EEF1G: variants seen among roughly 807,000 people sequenced by gnomAD.
The protein encoded by EEF1G is eukaryotic translation elongation factor 1 gamma.
Under a neutral mutation model 58.3 loss-of-function variants are expected in EEF1G, and 14 were observed. That is an observed-to-expected ratio of 0.24 (90% CI 0.16 to 0.38). EEF1G has a LOEUF of 0.38. Among genes scored for constraint, EEF1G ranks in the 10% least tolerant of loss-of-function variants. The pLI is 1.00. For synonymous variants in EEF1G, 180 were observed against 206.8 expected (o/e 0.87, Z 1.11); for missense variants, 322 against 550.1 (o/e 0.59, Z 4.15).
At chr11:62,573,706 A>G (rs564307068) in intron 1 of EEF1G, 125 bp downstream of exon 1, 4 of 1,361,440 alleles carry the variant, frequency 2.9e-6, no homozygotes, top group Non-Finnish European at 1.0e-6. Context: ...CCAGCAGTAC[A>G]GTCTGTAGAC....
chr11:62,561,848 G>A (rs1253362596), intron 7 of EEF1G, among the ~76,000 whole-genome samples: 2 of 152,046 alleles, frequency 1.3e-5, no homozygotes, highest in Admixed American at 1.3e-4. Flanking sequence ...CTCTAGCTGG[G>A]AAAGCCGGAC....
rs1223695911 is a variant in EEF1G at position 62,561,671 on chromosome 11, CAAAAAAAAAACAAAA to C, written c.858-1232_858-1218del. Among the ~76,000 whole-genome samples, 12 of 82,312 alleles carry C rather than the reference CAAAAAAAAAACAAAA, an allele frequency of 1.5e-4. No homozygotes were observed. In the South Asian group the frequency reaches 1.9e-3, roughly 13 times the overall value. The allele number at this position is 82,312 out of a possible 152,430, so 54.0% of individuals were successfully genotyped here. On this transcript the variant is annotated intron_variant, in intron 7 of 9. Coordinates refer to ENST00000329251, the MANE Select transcript of EEF1G (RefSeq NM_001404.5). Reference sequence around the variant, plus strand: ...GCAAGACTCCGTCTCAAAAAAAAAACAAAAAAAAAACAAAAAAAAAAAAAACAACCAAAAAACACA... The same window carrying C: ...GCAAGACTCCGTCTCAAAAAAAAAACAAAAAAAAAACAACCAAAAAACACA...
Position 62,566,869 on chromosome 11 carries a change from T to G in EEF1G, c.794A>C (p.Glu265Ala), listed in dbSNP as rs1453812305. The G allele has an allele frequency of 1.2e-6, 2 of 1,613,360 alleles. No homozygotes were observed. Among genetic ancestry groups the G allele is most frequent in the Admixed American group, 3.3e-5 (2 of 59,998 alleles). ...AAPAPEEEMD[E>A]CEQALAAEPK... ...CTCAGCAGCCAGCGCCTGCTCACAT[T>G]CATCCATCTCCTCCTCAGGAGCAGG... The change falls in exon 7 of 10, where the codon GAA becomes GCA. Residue 265 changes from glutamate (E) to alanine (A), a missense_variant. Physicochemically the swap from Glu to Ala is moderately radical, Grantham distance 107. This residue lies in a region of EEF1G where 208 missense variants were observed against 323.7 expected (regional missense o/e 0.64). Coordinates refer to ENST00000329251, the MANE Select transcript of EEF1G (RefSeq NM_001404.5).
chr11:62,571,783 T>G (rs1276926663), intron 3 of EEF1G, 55 bp downstream of exon 3: 1 of 1,565,844 alleles, frequency 6.4e-7, no homozygotes, highest in African/African-American at 1.4e-5. Context: ...ACACTTATCC[T>G]CTCCTACACC....
Position 62,571,917 on chromosome 11 carries a change from T to C in EEF1G, c.172-16A>G, listed in dbSNP as rs923111462. The C allele has an allele frequency of 6.4e-7, 1 of 1,565,392 alleles. No individual in the cohort carries two copies. Among genetic ancestry groups the C allele is most frequent in the Non-Finnish European group, 8.7e-7 (1 of 1,154,706 alleles). On this transcript the variant is annotated splice_polypyrimidine_tract_variant and intron_variant, in intron 2 of 9. Coordinates refer to ENST00000329251, the MANE Select transcript of EEF1G (RefSeq NM_001404.5). ...ATGCTGGGACCTGGGGACAAAGCAG[T>C]GAAAAGATAAGGTAAAACACACAAA... is the stretch of plus-strand genomic sequence containing the variant.
At chr11:62,566,111 GAAGA>G (rs980844775) in intron 7 of EEF1G, among the ~76,000 whole-genome samples, 1 of 152,160 alleles carries the variant, frequency 6.6e-6, no homozygotes, top group Non-Finnish European at 1.5e-5. Flanking sequence ...AGCAGTGATG[GAAGA>G]AAGACTCCAT....
intron 5 of EEF1G, 85 bp from the exon 6 acceptor site, chr11:62,567,613 G>C: frequency 7.3e-7 from 1 of 1,366,132 alleles, no homozygotes; most frequent in Non-Finnish European, 9.7e-7. Flanking sequence ...CTCTACCTAA[G>C]TCCCAGTGCT....
chr11:62,569,853 G>GGACCACT (rs1436326152), intron 5 of EEF1G, among the ~76,000 whole-genome samples: 12 of 152,288 alleles, frequency 7.9e-5, no homozygotes, highest in African/African-American at 2.6e-4. Flanking sequence ...ACCAGCATCA[G>GGACCACT]TCCAAGAGCT....
At chr11:62,570,364 C>T (rs1008429719) in intron 5 of EEF1G, among the ~76,000 whole-genome samples, 8 of 152,030 alleles carry the variant, frequency 5.3e-5, no homozygotes, top group Non-Finnish European at 1.0e-4. Flanking sequence ...GCCTGGCCTG[C>T]CTCCAAAAAG....
At position 62,560,092 on chromosome 11, in the gene EEF1G, G is replaced by A; in HGVS notation, c.1132C>T (p.Arg378Ter). 6.2e-7 allele frequency: 1 copy of A among 1,614,002 alleles called. No homozygotes were observed. The highest frequency in any genetic ancestry group is 8.5e-7 in the Non-Finnish European group (1 of 1,179,886). The change falls in exon 9 of 10, where the codon CGA becomes TGA. Residue 378 changes from arginine (R) to a stop codon, truncating the protein, a stop_gained. Coordinates refer to ENST00000329251, the MANE Select transcript of EEF1G (RefSeq NM_001404.5). LOFTEE classifies it high-confidence loss of function. The part of the protein sequence containing the change: ...SSSISGVWVF[R>*]GQELAFPLSP... ...ACCGGAAAGGCAAGCTCCTGGCCTC[G>A]GAAGACCCAGACTCCAGAAATGGAG...
chr11:62,559,713 C>T lies in EEF1G; in HGVS notation c.1280G>A (p.Gly427Asp). The change falls in exon 10 of 10, where the codon GGC becomes GAC. Residue 427 changes from glycine to aspartate, a missense_variant. Physicochemically the swap from Gly to Asp is moderately conservative, Grantham distance 94. Coordinates refer to ENST00000329251, the MANE Select transcript of EEF1G (RefSeq NM_001404.5). ...FSWEGAFQHV[G>D]KAFNQGKIFK Reference sequence around the variant, plus strand: ...GATCTTGCCCTGATTGAAGGCTTTGCCCACATGCTGGAAGGCCCCCTCCCA... The same window carrying T: ...GATCTTGCCCTGATTGAAGGCTTTGTCCACATGCTGGAAGGCCCCCTCCCA... 1 of 1,613,984 alleles carries T rather than the reference C, an allele frequency of 6.2e-7. No homozygotes were observed. Among genetic ancestry groups the T allele is most frequent in the East Asian group, 2.2e-5 (1 of 44,892 alleles).
At chr11:62,568,639 T>C (rs1165717327) in intron 5 of EEF1G, among the ~76,000 whole-genome samples, 1 of 152,048 alleles carries the variant, frequency 6.6e-6, no homozygotes, top group Non-Finnish European at 1.5e-5. Context: ...TCTTGCTCCT[T>C]TACAAAACTA....
intron 1 of EEF1G, 158 bp downstream of exon 1, chr11:62,573,673 C>A: frequency 9.3e-7 from 1 of 1,077,838 alleles, no homozygotes; most frequent in Non-Finnish European, 1.4e-6. Flanking sequence ...CAGTTCCCCT[C>A]CAGGCCCTAG....
chr11:62,573,507 A>G (rs1489728537), intron 1 of EEF1G: 1 of 493,216 alleles, frequency 2.0e-6, no homozygotes, highest in African/African-American at 1.9e-5. Flanking sequence ...TACTCCACAA[A>G]ACGGACACAG....
At chr11:62,569,011 G>A (rs1044513105) in intron 5 of EEF1G, among the ~76,000 whole-genome samples, 8 of 151,392 alleles carry the variant, frequency 5.3e-5, no homozygotes, top group Admixed American at 4.6e-4. Flanking sequence ...GAGGGCTATC[G>A]AGGACTTTTT....
At chr11:62,570,307 C>T (rs915808649) in intron 5 of EEF1G, among the ~76,000 whole-genome samples, 1 of 152,092 alleles carries the variant, frequency 6.6e-6, no homozygotes, top group East Asian at 1.9e-4. Context: ...AGTGATCCAC[C>T]CGCCTAGGCC....
chr11:62,566,901 C>A lies in EEF1G; in HGVS notation c.762G>T (p.Ala254=), dbSNP rs367830508. ...PQAERKEEKK[A]AAPAPEEEMD... is the part of the protein sequence containing the mutation. ...TCTCCTCCTCAGGAGCAGGGGCAGCCGCCTTTTTCTCCTCCTTCCGCTCAG... is the reference window on the plus strand; with the variant it reads ...TCTCCTCCTCAGGAGCAGGGGCAGCAGCCTTTTTCTCCTCCTTCCGCTCAG... Residue 254 remains alanine (A), a synonymous_variant, in exon 7 of 10, where the codon GCG becomes GCT. Transcript: ENST00000329251. 2 of 1,613,750 alleles carry A rather than the reference C, an allele frequency of 1.2e-6. No homozygotes were observed. The highest frequency in any genetic ancestry group is 4.5e-5 in the East Asian group (2 of 44,886).
intron 5 of EEF1G, among the ~76,000 whole-genome samples, chr11:62,568,622 A>G (rs1941585527): frequency 6.6e-6 from 1 of 151,984 alleles, no homozygotes; most frequent in South Asian, 2.1e-4. Context: ...AGTAGGAGTA[A>G]TAATTGTCTT....
intron 2 of EEF1G, 61 bp downstream of exon 2, chr11:62,572,523 G>C: frequency 6.3e-7 from 1 of 1,596,850 alleles, no homozygotes; most frequent in Non-Finnish European, 8.6e-7. Context: ...CCACCAGAGT[G>C]ACAGAATCGC....
Sources: gnomAD v4.1 joint callset for allele counts (sites outside exome capture counted in the v4.1 genomes callset) on GRCh38, gnomAD v4.1.1 for gene constraint, gnomAD v4.1.1 regional missense constraint, MANE v1.5 for transcripts, NCBI Gene and HGNC (gene_info 2026-07-23, HGNC 2026-07-21) for gene names.